Variants in NLRP9 observed in about 807,000 individuals in gnomAD.
NLRP9 encodes the protein NLR family pyrin domain containing 9.
In NLRP9, 88 loss-of-function variants were observed where a neutral mutation model predicts 83.1. The observed-to-expected ratio is 1.06, with a 90% CI of 0.89 to 1.26. The LOEUF (loss-of-function observed/expected upper bound fraction) is 1.26. NLRP9 is among the 50% of genes most tolerant of loss of function. The pLI is 0.00. For synonymous variants in NLRP9, 521 were observed against 447.6 expected, an observed-to-expected ratio of 1.16 and a Z score of -2.07; for missense variants, 1,308 against 1,179.3, an observed-to-expected ratio of 1.11 and a Z score of -1.60.
intron 1 of NLRP9, among the ~76,000 whole-genome samples, chr19:55,734,695 C>A (rs148368874): frequency 6.7e-6 from 1 of 150,156 alleles, no homozygotes; most frequent in East Asian, 2.0e-4. Flanking sequence ...AGTGAGATGG[C>A]GCTATCTCAG....
chr19:55,723,880 A>G (rs2122310467), intron 4 of NLRP9, 100 bp downstream of exon 4: 2 of 859,300 alleles, frequency 2.3e-6, no homozygotes, highest in Non-Finnish European at 3.7e-6. Context: ...AGAGAGATGA[A>G]GGCTGATGCA....
rs1359773854 is a variant in NLRP9 at position 55,709,021 on chromosome 19, T to C, written c.2867A>G (p.Glu956Gly). Residue 956 changes from glutamate (E) to glycine (G), a missense_variant, in exon 9 of 9, where the codon GAA (glutamate) becomes GGA (glycine). Transcript: ENST00000332836. ...MLGLHKSGFD[E>G]ETQKILMSVE... ...AGACATCAGGATCTTCTGAGTTTCT[T>C]CATCAAAGCCAGATTTGTGCAGCCT... is the stretch of plus-strand genomic sequence containing the variant. 2 of 1,579,746 alleles carry C rather than the reference T, an allele frequency of 1.3e-6. No homozygotes were observed.
intron 1 of NLRP9, among the ~76,000 whole-genome samples, chr19:55,734,639 T>TATA (rs1568605307): frequency 2.8e-4 from 12 of 42,454 alleles, no homozygotes; most frequent in East Asian, 9.0e-4. Flanking sequence ...ATATATATAT[T>TATA]TTTTTTTTTT....
At chr19:55,736,610 G>T (rs1287763867) in intron 1 of NLRP9, among the ~76,000 whole-genome samples, 1 of 151,940 alleles carries the variant, frequency 6.6e-6, no homozygotes, top group Non-Finnish European at 1.5e-5. Context: ...CAGGCAGGAG[G>T]ATCATCTGAG....
In NLRP9 at chr19:55,738,016, G is replaced by T. The variant is rs78619978; in HGVS notation, c.280+79C>A. 0.012 allele frequency: 15,370 copies of T among 1,313,256 alleles called. 623 individuals are homozygous for T. In the East Asian group the frequency reaches 0.16, roughly 14 times the overall value. 81.4% of individuals were successfully genotyped at this position (1,313,256 alleles called of 1,614,324 possible). On this transcript the variant is annotated intron_variant, in intron 1 of 8. Transcript: ENST00000332836. ...CACACATTCTCATCTGATGGAGGGGGTGGCCACTCATTTAACAATGCTATC... is the reference window on the plus strand; with the variant it reads ...CACACATTCTCATCTGATGGAGGGGTTGGCCACTCATTTAACAATGCTATC...
At chr19:55,716,686 G>C (rs750261180) in intron 5 of NLRP9, 42 bp downstream of exon 5, 1 of 1,559,158 alleles carries the variant, frequency 6.4e-7, no homozygotes, top group African/African-American at 1.4e-5. Flanking sequence ...CCAGGTGCAC[G>C]CTTCAGAAAT....
rs563210161 is a variant in NLRP9, at chr19:55,735,426, A to C, written c.281-1876T>G. 2.0e-5 allele frequency among the ~76,000 whole-genome samples: 3 copies of C among 152,260 alleles called. No individual in the cohort carries two copies. In the East Asian group the frequency reaches 5.8e-4, roughly 29 times the overall value. On this transcript the variant is annotated intron_variant, in intron 1 of 8. Coordinates refer to ENST00000332836, the MANE Select transcript of NLRP9 (RefSeq NM_176820.4). ...AACATAGTGAGACTCCATCTCTATTAAAAAATTAAATTAAAAAATATGCAG... is the reference window on the plus strand; with the variant it reads ...AACATAGTGAGACTCCATCTCTATTCAAAAATTAAATTAAAAAATATGCAG...
At chr19:55,711,680 C>T (rs753348893) in intron 8 of NLRP9, 120 bp downstream of exon 8, 27 of 989,920 alleles carry the variant, frequency 2.7e-5, no homozygotes, top group Non-Finnish European at 4.1e-5. Flanking sequence ...GGCCCAAGGA[C>T]AGGCCCCCAC....
chr19:55,711,324 T>C, intron 8 of NLRP9: 1 of 989,190 alleles, frequency 1.0e-6, no homozygotes, highest in Non-Finnish European at 1.2e-6. Flanking sequence ...ATCCTACAGA[T>C]TTCAAATAGG....
intron 8 of NLRP9, chr19:55,711,337 C>G (rs1364169790): frequency 9.4e-7 from 1 of 1,064,280 alleles, no homozygotes; most frequent in East Asian, 8.3e-5. Flanking sequence ...CAAATAGGTA[C>G]AACTCTAAAG....
intron 4 of NLRP9, among the ~76,000 whole-genome samples, chr19:55,722,569 G>C (rs2122307248): frequency 6.6e-6 from 1 of 152,304 alleles, no homozygotes; most frequent in Non-Finnish European, 1.5e-5. Context: ...AACTGGGAGA[G>C]AGAAGAGCAT....
intron 1 of NLRP9, among the ~76,000 whole-genome samples, chr19:55,735,692 A>T (rs537426729): frequency 3.6e-4 from 53 of 148,788 alleles, no homozygotes; most frequent in Middle Eastern, 7.0e-3. Flanking sequence ...TTATTAAAAA[A>T]TTTTTTTTTT....
chr19:55,730,057 G>C, intron 2 of NLRP9, 65 bp from the exon 3 acceptor site: 1 of 1,443,244 alleles, frequency 6.9e-7, no homozygotes, highest in African/African-American at 1.4e-5. Context: ...TCTCAAAACA[G>C]GTCGAACACC....
At position 55,732,335 on chromosome 19, in the gene NLRP9, G is replaced by A. The variant is rs112448754; in HGVS notation, c.1496C>T (p.Ser499Leu). The A allele has an allele frequency of 3.1e-6, 5 of 1,614,176 alleles. No individual in the cohort carries two copies. Among genetic ancestry groups the A allele is most frequent in the African/African-American group, 2.7e-5 (2 of 75,040 alleles). Residue 499 changes from serine to leucine, a missense_variant, in exon 2 of 9, where the codon TCA (serine) becomes TTA (leucine). Transcript: ENST00000332836. ...TQVGIFMFGI[S>L]TEEIVSMLET... ...CAGCATGCTGACGATTTCTTCTGTT[G>A]AAATTCCAAACATGAATATCCCCAC...
chr19:55,723,204 G>A (rs186362474), intron 4 of NLRP9, among the ~76,000 whole-genome samples: 5 of 152,186 alleles, frequency 3.3e-5, no homozygotes, highest in African/African-American at 9.6e-5. Context: ...ACCCAGTTAG[G>A]ACAGGGGCTG....
In NLRP9 at chr19:55,718,096, T is replaced by A. The variant is rs1041369785; in HGVS notation, c.2160-1198A>T. On this transcript the variant is annotated intron_variant, in intron 4 of 8. Coordinates refer to ENST00000332836, the MANE Select transcript of NLRP9 (RefSeq NM_176820.4). Reference sequence around the variant, plus strand: ...AATGGATTTAGGGCTGTGCAGCATGTGCCTTGTTAACCATATGTTTGCAGG... The same window carrying A: ...AATGGATTTAGGGCTGTGCAGCATGAGCCTTGTTAACCATATGTTTGCAGG... 2.6e-5 allele frequency among the ~76,000 whole-genome samples: 4 copies of A among 152,352 alleles called. 1 individual carries two copies. In the South Asian group the frequency reaches 8.3e-4, roughly 32 times the overall value.
At chr19:55,736,187 C>T (rs1182613717) in intron 1 of NLRP9, among the ~76,000 whole-genome samples, 4 of 151,294 alleles carry the variant, frequency 2.6e-5, no homozygotes, top group African/African-American at 9.7e-5. Context: ...GTCAGGAGAT[C>T]GAGACCATCC....
chr19:55,719,373 G>A (rs1174190607), intron 4 of NLRP9, among the ~76,000 whole-genome samples: 2 of 152,094 alleles, frequency 1.3e-5, no homozygotes, highest in African/African-American at 2.4e-5. Context: ...GGGTGATCTC[G>A]AACTCCTGAG....
intron 2 of NLRP9, 22 bp downstream of exon 2, chr19:55,731,977 G>T: frequency 1.4e-6 from 2 of 1,448,664 alleles, no homozygotes; most frequent in South Asian, 1.3e-5. Context: ...GTGTGGGACG[G>T]GGGATTAATA....
Sources: allele counts gnomAD v4.1 joint callset (sites outside exome capture counted in the v4.1 genomes callset), GRCh38; gene constraint gnomAD v4.1.1; transcripts MANE v1.5; gene names NCBI Gene and HGNC (gene_info 2026-07-23, HGNC 2026-07-21).